OPCML: variants seen among roughly 807,000 people sequenced by gnomAD.
OPCML encodes opioid-binding protein/cell adhesion molecule.
In OPCML, 13 loss-of-function variants were observed where a neutral mutation model predicts 37.8. The ratio of observed to expected loss-of-function variants is 0.34; its 90% CI spans 0.22 to 0.55. The LOEUF (loss-of-function observed/expected upper bound fraction) is 0.55, where lower values mean the gene tolerates loss of function less well. Ranked by LOEUF, OPCML falls within the 20% of genes least tolerant of loss-of-function variation. The pLI, the probability that OPCML is intolerant of heterozygous loss-of-function variation, is 0.91. For synonymous variants in OPCML, 176 were observed against 168.8 expected (o/e 1.04, Z -0.33); for missense variants, 341 against 435.6 (o/e 0.78, Z 1.93).
At chr11:133,475,415 T>C (rs915881508) in intron 1 of OPCML, among the ~76,000 whole-genome samples, 1 of 152,174 alleles carries the variant, frequency 6.6e-6, no homozygotes. Context: ...CTATCTTCTT[T>C]TGTTTTTTTA....
chr11:132,835,781 C>A (rs1278764002), intron 2 of OPCML, among the ~76,000 whole-genome samples: 1 of 152,146 alleles, frequency 6.6e-6, no homozygotes, highest in Non-Finnish European at 1.5e-5. Context: ...TGCCCTTATG[C>A]CTCTTTCTTC....
intron 1 of OPCML, among the ~76,000 whole-genome samples, chr11:133,162,850 C>G (rs1006894065): frequency 1.3e-5 from 2 of 152,180 alleles, no homozygotes; most frequent in African/African-American, 2.4e-5. Context: ...ACCAAGAAAT[C>G]CTTCATAGTA....
chr11:133,325,384 A>G (rs984885947), intron 1 of OPCML, among the ~76,000 whole-genome samples: 14 of 152,150 alleles, frequency 9.2e-5, no homozygotes, highest in African/African-American at 3.1e-4. Context: ...AAATTACTCC[A>G]ATTGTTGCTA....
intron 2 of OPCML, among the ~76,000 whole-genome samples, chr11:132,718,450 G>C (rs1443285415): frequency 2.0e-5 from 3 of 152,182 alleles, no homozygotes; most frequent in Non-Finnish European, 4.4e-5. Context: ...ACGGTCATGT[G>C]TATACCTGGC....
chr11:132,472,778 G>A (rs73033748), intron 4 of OPCML, among the ~76,000 whole-genome samples: 8 of 152,344 alleles, frequency 5.3e-5, no homozygotes, highest in East Asian at 1.9e-4. Flanking sequence ...TCTGTGCATC[G>A]TCACTGCAGG....
At chr11:132,966,050 ATCTT>A (rs1290885831) in intron 1 of OPCML, among the ~76,000 whole-genome samples, 1 of 151,702 alleles carries the variant, frequency 6.6e-6, no homozygotes, top group African/African-American at 2.4e-5. Context: ...ATTTCCACCT[ATCTT>A]TATTATTTTC....
At chr11:132,542,203 C>G (rs1342701693) in intron 3 of OPCML, among the ~76,000 whole-genome samples, 2 of 152,162 alleles carry the variant, frequency 1.3e-5, no homozygotes, top group African/African-American at 4.8e-5. Flanking sequence ...TTAAGCCACT[C>G]CTGGCTGGGG....
chr11:132,762,135 C>T (rs556183180), intron 2 of OPCML, among the ~76,000 whole-genome samples: 3 of 152,220 alleles, frequency 2.0e-5, no homozygotes, highest in Non-Finnish European at 4.4e-5. Flanking sequence ...GTATCATCAG[C>T]GGGAGCTGCA....
chr11:132,559,933 G>T (rs1199045564), intron 3 of OPCML, among the ~76,000 whole-genome samples: 2 of 152,128 alleles, frequency 1.3e-5, no homozygotes, highest in Admixed American at 6.5e-5. Context: ...ATTGGCAAAA[G>T]CTATTTTACA....
chr11:133,199,219 A>G (rs1382914943), intron 1 of OPCML, among the ~76,000 whole-genome samples: 1 of 152,148 alleles, frequency 6.6e-6, no homozygotes, highest in Admixed American at 6.5e-5. Context: ...GGGTGGCAAG[A>G]GGGAATTGTA....
intron 1 of OPCML, among the ~76,000 whole-genome samples, chr11:133,193,811 T>C (rs1938421657): frequency 6.6e-6 from 1 of 152,192 alleles, no homozygotes; most frequent in African/African-American, 2.4e-5. Context: ...AAGAAGTCCT[T>C]GAGGGGAGAT....
intron 2 of OPCML, among the ~76,000 whole-genome samples, chr11:132,722,459 C>A (rs952018014): frequency 1.3e-5 from 2 of 152,060 alleles, no homozygotes; most frequent in East Asian, 3.9e-4. Flanking sequence ...TGAGTTATTG[C>A]AATCAGCTAG....
chr11:133,477,224 T>C (rs1053274062), intron 1 of OPCML, among the ~76,000 whole-genome samples: 3 of 152,232 alleles, frequency 2.0e-5, no homozygotes, highest in East Asian at 1.9e-4. Context: ...TAGCCATCGC[T>C]CTTTGCCTTC....
chr11:133,042,762 G>A (rs1468749785), intron 1 of OPCML, among the ~76,000 whole-genome samples: 1 of 152,130 alleles, frequency 6.6e-6, no homozygotes, highest in Admixed American at 6.5e-5. Flanking sequence ...AACGGCCAAA[G>A]TTAACACTGG....
chr11:133,440,644 T>C (rs916410643), intron 1 of OPCML, among the ~76,000 whole-genome samples: 1 of 150,144 alleles, frequency 6.7e-6, no homozygotes, highest in Non-Finnish European at 1.5e-5. Flanking sequence ...GGAGAATCTC[T>C]TGAACCCAGG....
chr11:133,496,351 CCTT>C (rs1289810405), intron 1 of OPCML, among the ~76,000 whole-genome samples: 2 of 152,176 alleles, frequency 1.3e-5, no homozygotes, highest in East Asian at 1.9e-4. Context: ...CCAGATTTGT[CCTT>C]CTTGCTTAAT....
chr11:132,909,280 A>C (rs1591789263), intron 2 of OPCML, among the ~76,000 whole-genome samples: 1 of 152,250 alleles, frequency 6.6e-6, no homozygotes, highest in East Asian at 1.9e-4. Flanking sequence ...CCCAGACCTC[A>C]AGGGCTGAGT....
intron 3 of OPCML, among the ~76,000 whole-genome samples, chr11:132,579,826 G>C (rs182643147): frequency 6.6e-6 from 1 of 152,256 alleles, no homozygotes; most frequent in East Asian, 1.9e-4. Context: ...TAATATAGAA[G>C]TACAGTCTGT....
chr11:132,820,579 C>T (rs1389524524), intron 2 of OPCML, among the ~76,000 whole-genome samples: 1 of 152,136 alleles, frequency 6.6e-6, no homozygotes, highest in African/African-American at 2.4e-5. Flanking sequence ...TGGCCTTACC[C>T]TCATTCAGGG....
Sources: allele counts gnomAD v4.1 joint callset (sites outside exome capture counted in the v4.1 genomes callset), GRCh38; gene constraint gnomAD v4.1.1; transcripts MANE v1.5; gene names NCBI Gene and HGNC (gene_info 2026-07-23, HGNC 2026-07-21).